BEAN1: variants seen among roughly 807,000 people sequenced by gnomAD.
The protein encoded by BEAN1 is brain expressed associated with NEDD4 1.
Under a neutral mutation model 17.7 loss-of-function variants are expected in BEAN1, and 17 were observed. The ratio of observed to expected loss-of-function variants is 0.96; its 90% CI spans 0.66 to 1.44. The LOEUF is 1.44. Ranked by LOEUF, BEAN1 falls within the 40% of genes most tolerant of loss-of-function variation. The pLI, the probability that BEAN1 is intolerant of heterozygous loss-of-function variation, is 0.00. For synonymous variants in BEAN1, 142 were observed against 151.8 expected (o/e 0.94, Z 0.47); for missense variants, 359 against 374.1 (o/e 0.96, Z 0.33).
At chr16:66,440,224 G>A (rs1346842475) in intron 2 of BEAN1, among the ~76,000 whole-genome samples, 1 of 149,734 alleles carries the variant, frequency 6.7e-6, no homozygotes, top group Non-Finnish European at 1.5e-5. Flanking sequence ...CCGCCTCCCA[G>A]GTTCAAGCGA....
chr16:66,488,740 T>C (rs1964124874), intron 4 of BEAN1, among the ~76,000 whole-genome samples: 1 of 151,580 alleles, frequency 6.6e-6, no homozygotes, highest in East Asian at 1.9e-4. Context: ...ACTACACTGC[T>C]GGCTTTTAAG....
chr16:66,429,061 C>T (rs1167106580), intron 1 of BEAN1, among the ~76,000 whole-genome samples: 1 of 152,074 alleles, frequency 6.6e-6, no homozygotes, highest in African/African-American at 2.4e-5. Flanking sequence ...GCTCGAGCTC[C>T]GTACAAGGGA....
intron 2 of BEAN1, among the ~76,000 whole-genome samples, chr16:66,445,562 C>T (rs1421195466): frequency 1.5e-5 from 2 of 136,068 alleles, no homozygotes; most frequent in African/African-American, 5.6e-5. Flanking sequence ...AAGAAGGTAA[C>T]ACTGGAACAG....
chr16:66,432,476 G>A (rs1182725288), intron 1 of BEAN1, among the ~76,000 whole-genome samples: 1 of 152,196 alleles, frequency 6.6e-6, no homozygotes, highest in Non-Finnish European at 1.5e-5. Flanking sequence ...AAGTCCCTGG[G>A]ATTTCTGACT....
chr16:66,495,113 A>T (rs1567516145), downstream of BEAN1, among the ~76,000 whole-genome samples: 2 of 152,112 alleles, frequency 1.3e-5, no homozygotes, highest in Non-Finnish European at 2.9e-5. Flanking sequence ...CTTAAGACCA[A>T]GGGGGGGCCT....
At chr16:66,476,109 CA>C (rs543784605) in intron 3 of BEAN1, among the ~76,000 whole-genome samples, 22,138 of 83,140 alleles carry the variant, frequency 0.27, 2,521 homozygotes, top group African/African-American at 0.45. Context: ...GACTCCGTCT[CA>C]AAAAAAAAAA....
intron 4 of BEAN1, 87 bp downstream of exon 4, chr16:66,477,797 AC>A: frequency 2.2e-6 from 3 of 1,353,724 alleles, no homozygotes; most frequent in Non-Finnish European, 2.9e-6. Flanking sequence ...AAAGAGTGGC[AC>A]CTCTGCATGT....
chr16:66,490,717 G>A (rs185379781), intron 4 of BEAN1, among the ~76,000 whole-genome samples: 3 of 152,238 alleles, frequency 2.0e-5, no homozygotes, highest in East Asian at 3.9e-4. Flanking sequence ...GGATGGGATG[G>A]TAGTGTGGAA....
intron 3 of BEAN1, among the ~76,000 whole-genome samples, chr16:66,474,770 AAGG>A (rs1384171764): frequency 7.2e-5 from 11 of 152,204 alleles, no homozygotes; most frequent in African/African-American, 1.7e-4. Flanking sequence ...AGAAGAAAGA[AAGG>A]AGAGAGAAGG....
intron 1 of BEAN1, among the ~76,000 whole-genome samples, chr16:66,435,616 T>C (rs1455514155): frequency 6.6e-6 from 1 of 152,104 alleles, no homozygotes; most frequent in Non-Finnish European, 1.5e-5. Flanking sequence ...GCCTCCCGAG[T>C]AGCTGGGATC....
chr16:66,474,582 G>GGA (rs1963630055), intron 3 of BEAN1, among the ~76,000 whole-genome samples: 1 of 20,094 alleles, frequency 5.0e-5, no homozygotes. Context: ...GGGAGGGAGA[G>GGA]AGGGAGGGAG....
rs986492862 is a variant in BEAN1, at chr16:66,471,220, G to A, written c.289+1355G>A. On this transcript the variant is annotated intron_variant, in intron 3 of 4. Transcript: ENST00000536005. This position sits in a 1 kb window ranked among gnomAD's most constrained non-coding sequence, Gnocchi z 4.7. Reference sequence around the variant, plus strand: ...TCCTGTCCTTTTTCAGAGTTAACTGGTTAAGGAGGGGACTGATGGGTAGCT... The same window carrying A: ...TCCTGTCCTTTTTCAGAGTTAACTGATTAAGGAGGGGACTGATGGGTAGCT... Among the ~76,000 whole-genome samples the A allele has an allele frequency of 2.0e-5, 3 of 152,224 alleles. No individual in the cohort carries two copies. The highest frequency in any genetic ancestry group is 2.9e-5 in the Non-Finnish European group (2 of 68,038).
chr16:66,459,939 G>T (rs1005100266), intron 2 of BEAN1, among the ~76,000 whole-genome samples: 1 of 152,230 alleles, frequency 6.6e-6, no homozygotes, highest in Admixed American at 6.5e-5. Flanking sequence ...GGCTGTGGGG[G>T]TTGGGTGGGT....
rs977196693 is a variant in BEAN1 at position 66,471,047 on chromosome 16, G to A, written c.289+1182G>A. Among the ~76,000 whole-genome samples, 4 of 152,174 alleles carry A rather than the reference G, an allele frequency of 2.6e-5. No individual in the cohort carries two copies. The highest frequency in any genetic ancestry group is 9.7e-5 in the African/African-American group (4 of 41,444). ...CCAGAGCCATGGCCAGACCTGAGGC[G>A]TTTCCCTCTCCAAGGCAGGAAAAGC... On this transcript the variant is annotated intron_variant, in intron 3 of 4. Coordinates refer to ENST00000536005, the MANE Select transcript of BEAN1 (RefSeq NM_001178020.3). This position sits in a 1 kb window ranked among gnomAD's most constrained non-coding sequence, Gnocchi z 4.7.
chr16:66,446,211 G>A (rs1042202392), intron 2 of BEAN1, among the ~76,000 whole-genome samples: 2 of 152,032 alleles, frequency 1.3e-5, no homozygotes, highest in African/African-American at 4.8e-5. Flanking sequence ...AAAAAGGGGG[G>A]ACAGTGGTCT....
chr16:66,435,771 G>A (rs951735129), intron 1 of BEAN1, among the ~76,000 whole-genome samples: 3 of 152,174 alleles, frequency 2.0e-5, no homozygotes, highest in Non-Finnish European at 4.4e-5. Context: ...ACAAGCATGA[G>A]CCACCACGCC....
At chr16:66,480,251 A>T (rs1485517221) in intron 4 of BEAN1, among the ~76,000 whole-genome samples, 1 of 152,150 alleles carries the variant, frequency 6.6e-6, no homozygotes, top group Admixed American at 6.5e-5. Flanking sequence ...GGTCCTACCC[A>T]GCCTCTGCAC....
At chr16:66,436,479 C>A (rs1962027914) in intron 1 of BEAN1, among the ~76,000 whole-genome samples, 1 of 150,236 alleles carries the variant, frequency 6.7e-6, no homozygotes, top group South Asian at 2.1e-4. Context: ...GGGGTTTCAC[C>A]GTGTTAGCCA....
rs764296672 is a variant in BEAN1, at chr16:66,492,961, G to A, written c.148-1G>A. The A allele has an allele frequency of 1.4e-6, 1 of 702,708 alleles. No homozygotes were observed. Among genetic ancestry groups the A allele is most frequent in the South Asian group, 1.5e-5 (1 of 67,564 alleles). 43.5% of individuals were successfully genotyped at this position (702,708 alleles called of 1,614,324 possible). Reference sequence around the variant, plus strand: ...CTAACAAGCTCCCTTGTCTGTTCTAGATGTACACTGGGAGCTTTACCTACT... The same window carrying A: ...CTAACAAGCTCCCTTGTCTGTTCTAAATGTACACTGGGAGCTTTACCTACT... On this transcript the variant is annotated splice_acceptor_variant, in intron 4 of 4. Coordinates refer to the BEAN1 transcript ENST00000561796. LOFTEE classifies it high-confidence loss of function.
Sources: allele counts gnomAD v4.1 joint callset (sites outside exome capture counted in the v4.1 genomes callset), GRCh38; gene constraint gnomAD v4.1.1; non-coding constraint Gnocchi (gnomAD v3.1); transcripts MANE v1.5; gene names NCBI Gene and HGNC (gene_info 2026-07-23, HGNC 2026-07-21).